Variants in GLOD4 observed in about 807,000 individuals in gnomAD.
GLOD4 encodes glyoxalase domain-containing protein 4.
In GLOD4, 44 loss-of-function variants were observed where a neutral mutation model predicts 39.1. That is an observed-to-expected ratio of 1.13 (90% CI 0.88 to 1.45). The LOEUF is 1.45. GLOD4 is among the 40% of genes most tolerant of loss of function. GLOD4 has a pLI of 0.00. For missense variants in GLOD4, 405 were observed against 366.4 expected (o/e 1.11, Z -0.86); for synonymous variants, 145 against 135.0 (o/e 1.07, Z -0.52).
intron 2 of GLOD4, 180 bp from the exon 3 acceptor site, chr17:777,168 T>C (rs1017258079): frequency 5.0e-6 from 3 of 603,226 alleles, no homozygotes; most frequent in African/African-American, 3.7e-5. Context: ...GGGACCCTAC[T>C]ACAAGCTCCA....
Position 762,145 on chromosome 17 carries a change from C to T in GLOD4, c.832-1907G>A, listed in dbSNP as rs193165137. On this transcript the variant is annotated intron_variant, in intron 8 of 8. Coordinates refer to ENST00000301329, the MANE Select transcript of GLOD4 (RefSeq NM_016080.4). The stretch of plus-strand genomic sequence containing the variant: ...AAAGGGAAAGCTGATAGGCAGAAGA[C>T]ATTTCAGAGGTAGAACTCACAGCTC... Among the ~76,000 whole-genome samples the T allele has an allele frequency of 1.2e-3, 186 of 152,286 alleles. 3 individuals carry two copies. Among genetic ancestry groups the T allele is most frequent in the African/African-American group, 4.4e-3 (182 of 41,562 alleles).
chr17:760,178 C>G lies in GLOD4; in HGVS notation c.892G>C (p.Gly298Arg). 5.7e-6 allele frequency: 9 copies of G among 1,587,664 alleles called. No individual in the cohort carries two copies. The highest frequency in any genetic ancestry group is 1.3e-5 in the African/African-American group (1 of 74,490). ...GCTCTGCATCATGTCTTCCGTTAAC[C>G]TGAAGCTTTGGGTTTATTGTGTTTG... is the stretch of plus-strand genomic sequence containing the variant. ...FAKHNKPKASG is the reference protein window; with the variant it reads ...FAKHNKPKASR The change falls in exon 9 of 9, where the codon GGT (glycine) becomes CGT (arginine). Residue 298 changes from glycine (G) to arginine (R), a missense_variant. By Grantham distance (125) the Gly-to-Arg change is moderately radical. Transcript: ENST00000301329.
intron 8 of GLOD4, chr17:764,479 G>A (rs1193694643): frequency 6.6e-6 from 1 of 152,136 alleles, no homozygotes; most frequent in East Asian, 1.9e-4. Flanking sequence ...TACAGTAAAA[G>A]CAGTTCTACT....
intron 8 of GLOD4, among the ~76,000 whole-genome samples, chr17:765,554 G>T (rs779601679): frequency 6.6e-5 from 10 of 150,714 alleles, no homozygotes; most frequent in Non-Finnish European, 1.0e-4. Context: ...GGATGGCCAG[G>T]CGCAGTGGCT....
At chr17:762,933 T>C (rs932457242) in intron 8 of GLOD4, among the ~76,000 whole-genome samples, 3 of 152,166 alleles carry the variant, frequency 2.0e-5, no homozygotes, top group African/African-American at 7.2e-5. Flanking sequence ...TCCCAACACT[T>C]TGGGAGGCCG....
At chr17:781,260 A>G (rs1227463083) in intron 1 of GLOD4, among the ~76,000 whole-genome samples, 1 of 152,176 alleles carries the variant, frequency 6.6e-6, no homozygotes, top group Non-Finnish European at 1.5e-5. Context: ...CGACGAGGAA[A>G]TACTAACAAG....
upstream of GLOD4, among the ~76,000 whole-genome samples, chr17:785,855 A>G (rs1287601540): frequency 6.6e-6 from 1 of 152,238 alleles, no homozygotes; most frequent in Non-Finnish European, 1.5e-5. Context: ...TTAAGCCTAT[A>G]AACTATTTTT....
chr17:775,977 AGACAAT>A (rs967935229), intron 3 of GLOD4, 58 bp from the exon 4 acceptor site: 12 of 1,462,932 alleles, frequency 8.2e-6, no homozygotes, highest in Non-Finnish European at 1.0e-5. Context: ...TTACAGAACA[AGACAAT>A]GAGCCCAACC....
chr17:766,452 C>T (rs942620114), intron 8 of GLOD4, among the ~76,000 whole-genome samples: 1 of 152,062 alleles, frequency 6.6e-6, no homozygotes, highest in Non-Finnish European at 1.5e-5. Flanking sequence ...AAAAATTAGC[C>T]AGGCGTGGTG....
chr17:779,727 CAT>C (rs200209810), intron 1 of GLOD4, among the ~76,000 whole-genome samples: 48 of 152,244 alleles, frequency 3.2e-4, no homozygotes, highest in African/African-American at 1.0e-3. Flanking sequence ...AGTCTCCTAA[CAT>C]GTGATGGGAA....
chr17:765,874 T>G (rs1906447608), intron 8 of GLOD4, among the ~76,000 whole-genome samples: 1 of 151,252 alleles, frequency 6.6e-6, no homozygotes, highest in Non-Finnish European at 1.5e-5. Context: ...GAGAACTGCT[T>G]GAACCTGGGA....
At position 775,907 on chromosome 17, in the gene GLOD4, C is replaced by T. The variant is rs771117299; in HGVS notation, c.274G>A (p.Ala92Thr). ...LGNDFMGITL[A>T]SSQAVSNARK... ...GCGTTGCTGACAGCCTGGCTAGAAGCGAGCGTGATTCCCTACAACAAACAA... is the reference window on the plus strand; with the variant it reads ...GCGTTGCTGACAGCCTGGCTAGAAGTGAGCGTGATTCCCTACAACAAACAA... Residue 92 changes from alanine (A) to threonine (T), a missense_variant, in exon 4 of 9, where the codon GCT becomes ACT. Transcript: ENST00000301329. 7.3e-5 allele frequency: 117 copies of T among 1,613,048 alleles called. No individual in the cohort carries two copies. The highest frequency in any genetic ancestry group is 3.3e-4 in the Middle Eastern group (2 of 6,084).
intron 8 of GLOD4, among the ~76,000 whole-genome samples, chr17:760,974 CAAT>C (rs1460746809): frequency 3.3e-5 from 5 of 152,130 alleles, no homozygotes; most frequent in Admixed American, 6.6e-5. Flanking sequence ...AAAGCCTTAA[CAAT>C]AATGTTTTGG....
At chr17:773,917 C>G (rs1320598058) in intron 4 of GLOD4, among the ~76,000 whole-genome samples, 1 of 152,134 alleles carries the variant, frequency 6.6e-6, no homozygotes, top group Non-Finnish European at 1.5e-5. Flanking sequence ...GAATGCCAGC[C>G]GGACAGAAGG....
intron 2 of GLOD4, 131 bp from the exon 3 acceptor site, chr17:777,119 C>T: frequency 1.3e-6 from 1 of 796,056 alleles, no homozygotes; most frequent in Non-Finnish European, 2.1e-6. Flanking sequence ...GATGAGATGA[C>T]CTCAGATGGT....
intron 1 of GLOD4, among the ~76,000 whole-genome samples, chr17:780,466 C>T (rs1909692123): frequency 6.6e-6 from 1 of 152,246 alleles, no homozygotes; most frequent in African/African-American, 2.4e-5. Flanking sequence ...GCCATCTCCG[C>T]ACTGGCTCTT....
At chr17:763,625 G>A (rs1299822512) in intron 8 of GLOD4, 1 of 152,016 alleles carries the variant, frequency 6.6e-6, no homozygotes, top group African/African-American at 2.4e-5. Context: ...AGTATAAATA[G>A]AGAGTTCATC....
At chr17:781,846 T>C (rs3760496) in intron 1 of GLOD4, 7,125 of 367,166 alleles carry the variant, frequency 0.019, 131 homozygotes, top group East Asian at 0.07. Context: ...GAAAGCATTA[T>C]ATAACATTTT....
chr17:770,047 G>A lies in GLOD4; in HGVS notation c.741C>T (p.Asp247=). The A allele has an allele frequency of 1.2e-6, 2 of 1,601,164 alleles. No homozygotes were observed. The highest frequency in any genetic ancestry group is 1.7e-6 in the Non-Finnish European group (2 of 1,168,228). Residue 247 remains aspartate (D), a synonymous_variant, in exon 7 of 9, where the codon GAC becomes GAT. Transcript: ENST00000301329. The part of the protein sequence containing the change: ...KATVQVVILA[D]PDGHEICFVG... ...CCCCTGCCTGAGAAATACTTACAGG[G>A]TCGGCCAGAATGACCACCTGTACTG...
Sources: gnomAD v4.1 joint callset for allele counts (sites outside exome capture counted in the v4.1 genomes callset) on GRCh38, gnomAD v4.1.1 for gene constraint, MANE v1.5 for transcripts, NCBI Gene and HGNC (gene_info 2026-07-23, HGNC 2026-07-21) for gene names.